The following LRP2BP variants were observed in gnomAD, a reference collection of about 807,000 sequenced individuals.
LRP2BP encodes the protein LRP2 binding protein, also known as LRP2-binding protein.
LRP2BP carries 38 observed loss-of-function variants against 45.2 expected under a neutral mutation model. That is an observed-to-expected ratio of 0.84 (90% CI 0.65 to 1.10). The LOEUF is 1.10. LRP2BP is among the 50% of genes least tolerant of loss of function. The pLI is 0.00. For missense variants in LRP2BP, 385 were observed against 418.9 expected (o/e 0.92, Z 0.71); for synonymous variants, 153 against 153.9 (o/e 0.99, Z 0.04).
Position 185,395,794 on chromosome 4 carries a change from C to G in LRP2BP, c.-1037G>C, listed in dbSNP as rs911197083. 1 of 985,078 alleles carries G rather than the reference C, an allele frequency of 1.0e-6. No individual in the cohort carries two copies. The highest frequency in any genetic ancestry group is 1.7e-5 in the African/African-American group (1 of 57,188). 61.0% of individuals were successfully genotyped at this position (985,078 alleles called of 1,614,324 possible). On this transcript the variant is annotated 5_prime_UTR_variant, in exon 1 of 9. Coordinates refer to ENST00000505916, the MANE Select transcript of LRP2BP (RefSeq NM_001377440.1). ...TGTTTTCTAACAGCATAACAATAAA[C>G]GTATTTATTTCTCCGAGCTTTCAAA...
rs1160715761 is a variant in LRP2BP at position 185,372,912 on chromosome 4, G to A, written c.747C>T (p.Leu249=). ...ATTTCATCTTATAGTAATACTCCAC[G>A]AGATTCCCTTGAGCATAGACGTTTC... ...ERGNVYAQGN[L]VEYYYKMKFF... The change falls in exon 7 of 9, where the codon CTC becomes CTT. Residue 249 remains leucine (L), a synonymous_variant. Coordinates refer to ENST00000505916, the MANE Select transcript of LRP2BP (RefSeq NM_001377440.1). The A allele has an allele frequency of 2.5e-6, 4 of 1,613,024 alleles. No homozygotes were observed. The African/African-American group carries it at 4.0e-5, about 16-fold the overall frequency.
intron 1 of LRP2BP, among the ~76,000 whole-genome samples, chr4:185,393,675 G>A (rs915203660): frequency 6.6e-6 from 1 of 151,892 alleles, no homozygotes; most frequent in African/African-American, 2.4e-5. Flanking sequence ...ACAGGCACCT[G>A]CCACCACGCC....
At chr4:185,378,790 C>A (rs2095446645) in intron 1 of LRP2BP, 1 of 985,402 alleles carries the variant, frequency 1.0e-6, no homozygotes. Context: ...GTGAAGGAGT[C>A]CAGGTTGGCC....
rs1217701755 is a variant in LRP2BP at position 185,364,357 on chromosome 4, G to A, written c.*2823C>T. 4 of 152,188 alleles carry A rather than the reference G, an allele frequency of 2.6e-5. No homozygotes were observed. Among genetic ancestry groups the A allele is most frequent in the Non-Finnish European group, 5.9e-5 (4 of 68,022 alleles). The allele number at this position is 152,188 out of a possible 1,614,324, so 9.4% of individuals were successfully genotyped here. A position where few individuals can be genotyped will look rare whatever the true frequency, so the allele number is the denominator to read the frequency against. On this transcript the variant is annotated 3_prime_UTR_variant, in exon 9 of 9. Transcript: ENST00000505916. Reference sequence around the variant, plus strand: ...TACAGACTTTGTGTTATTGATAGTGGGGCCATGCACAAGTACTTAATTTTC... The same window carrying A: ...TACAGACTTTGTGTTATTGATAGTGAGGCCATGCACAAGTACTTAATTTTC...
At chr4:185,372,155 C>T (rs935635950) in intron 7 of LRP2BP, among the ~76,000 whole-genome samples, 2 of 152,164 alleles carry the variant, frequency 1.3e-5, no homozygotes, top group Admixed American at 1.3e-4. Context: ...AGTTATAGAA[C>T]TGCATGACCG....
At position 185,374,337 on chromosome 4, in the gene LRP2BP, G is replaced by C. The variant is rs755958077; in HGVS notation, c.455C>G (p.Ser152Ter). ...GGATTACCTTTCAGCTTCCTCATTT[G>C]ATCGTTTAACACCTTTTCCTTCATA... is the stretch of plus-strand genomic sequence containing the variant. ...AYYEGKGVKRSNEEAERLWLI... is the reference protein window; with the variant it reads ...AYYEGKGVKR Residue 152 changes from serine to a stop codon, truncating the protein, a stop_gained, in exon 5 of 9, where the codon TCA becomes TGA. Coordinates refer to ENST00000505916, the MANE Select transcript of LRP2BP (RefSeq NM_001377440.1). LOFTEE classifies it high-confidence loss of function. 6.2e-7 allele frequency: 1 copy of C among 1,614,010 alleles called. No individual in the cohort carries two copies. The highest frequency in any genetic ancestry group is 1.1e-5 in the South Asian group (1 of 91,034).
At chr4:185,375,781 CA>C in intron 3 of LRP2BP, 55 bp from the exon 4 acceptor site, 2 of 1,172,282 alleles carry the variant, frequency 1.7e-6, no homozygotes, top group Non-Finnish European at 2.5e-6. Flanking sequence ...AAAGTAATCC[CA>C]AAGGCACCAA....
intron 1 of LRP2BP, chr4:185,378,882 A>G: frequency 1.0e-6 from 1 of 985,426 alleles, no homozygotes. Context: ...GTTATGGCTT[A>G]CTTTCACCAA....
chr4:185,381,251 TGTTA>T lies in LRP2BP; in HGVS notation c.-21-3048_-21-3045del, dbSNP rs948323266. On this transcript the variant is annotated intron_variant, in intron 1 of 8. Coordinates refer to ENST00000505916, the MANE Select transcript of LRP2BP (RefSeq NM_001377440.1). ...TGACATTGATTCATCCATTTTGTTG[TGTTA>T]GTTGTAATTTTTTTCCTTCATATTG... is the stretch of plus-strand genomic sequence containing the variant. Among the ~76,000 whole-genome samples the T allele has an allele frequency of 3.5e-4, 53 of 152,326 alleles. 1 individual carries two copies. The highest frequency in any genetic ancestry group is 9.6e-4 in the African/African-American group (40 of 41,582).
intron 1 of LRP2BP, chr4:185,378,577 T>C: frequency 1.0e-6 from 1 of 1,002,900 alleles, no homozygotes; most frequent in Non-Finnish European, 1.2e-6. Context: ...ACTGGTACCT[T>C]CTCTGCCCTT....
intron 1 of LRP2BP, among the ~76,000 whole-genome samples, chr4:185,389,177 C>G (rs181807282): frequency 1.3e-5 from 2 of 151,674 alleles, no homozygotes; most frequent in Admixed American, 1.3e-4. Flanking sequence ...CTACACCTGG[C>G]CTTTTTTAAT....
rs1486860120 is a variant in LRP2BP at position 185,367,502 on chromosome 4, A to G, written c.979-257T>C. Among the ~76,000 whole-genome samples the G allele has an allele frequency of 2.0e-5, 3 of 152,212 alleles. No individual in the cohort carries two copies. The East Asian group carries it at 5.8e-4, about 29-fold the overall frequency. ...AAGAATAAAGGGAACTTAAGCACCA[A>G]TGATAGCATTGTATGTTATGAATTA... On this transcript the variant is annotated intron_variant, in intron 8 of 8. Transcript: ENST00000505916.
Position 185,376,942 on chromosome 4 carries a change from T to C in LRP2BP, c.183A>G (p.Ala61=), listed in dbSNP as rs764602112. The part of the protein sequence containing the change: ...KERILKGDTL[A]YFLRGQLYFE... ...AATATAGTTGACCTCGTAGGAAATA[T>C]GCCAGAGTGTCTCCTTTCAGTATTC... Residue 61 remains alanine, a synonymous_variant, in exon 3 of 9, where the codon GCA becomes GCG. Transcript: ENST00000505916. 3.7e-6 allele frequency: 6 copies of C among 1,613,670 alleles called. No homozygotes were observed. Among genetic ancestry groups the C allele is most frequent in the South Asian group, 2.2e-5 (2 of 91,080 alleles).
upstream of LRP2BP, chr4:185,396,967 C>G (rs200611006): frequency 6.2e-6 from 10 of 1,613,136 alleles, no homozygotes; most frequent in East Asian, 4.5e-5. Context: ...TTCGGGCTCA[C>G]AGAGCCCGAG....
At chr4:185,370,445 G>A (rs146726966) in intron 8 of LRP2BP, among the ~76,000 whole-genome samples, 195 bp downstream of exon 8, 1 of 152,194 alleles carries the variant, frequency 6.6e-6, no homozygotes, top group African/African-American at 2.4e-5. Context: ...TTAATCATTG[G>A]AGCTAAATTA....
intron 1 of LRP2BP, among the ~76,000 whole-genome samples, chr4:185,379,482 T>C (rs1048574359): frequency 2.0e-5 from 3 of 152,192 alleles, no homozygotes; most frequent in Admixed American, 2.0e-4. Flanking sequence ...CAGAAAACAA[T>C]ACCTTACTTT....
rs2095383037 is a variant in LRP2BP, at chr4:185,365,338, T to C, written c.*1842A>G. 1 of 152,164 alleles carries C rather than the reference T, an allele frequency of 6.6e-6. No homozygotes were observed. Among genetic ancestry groups the C allele is most frequent in the African/African-American group, 2.4e-5 (1 of 41,448 alleles). 9.4% of individuals were successfully genotyped at this position (152,164 alleles called of 1,614,324 possible). ...TTTACTTAGGGCCGATCTTTTATTA[T>C]GTTCCTATTTTAAGATTCTTTTTAT... On this transcript the variant is annotated 3_prime_UTR_variant, in exon 9 of 9. Transcript: ENST00000505916.
chr4:185,371,362 A>AT (rs1187324542), intron 7 of LRP2BP, among the ~76,000 whole-genome samples: 1 of 151,828 alleles, frequency 6.6e-6, no homozygotes, highest in East Asian at 1.9e-4. Context: ...ACATGGTGAA[A>AT]CCCCGTCTCT....
Position 185,366,982 on chromosome 4 carries a change from A to C in LRP2BP, c.*198T>G, listed in dbSNP as rs2095390074. The C allele has an allele frequency of 1.9e-6, 1 of 525,474 alleles. No individual in the cohort carries two copies. Among genetic ancestry groups the C allele is most frequent in the Non-Finnish European group, 3.4e-6 (1 of 295,236 alleles). The allele number at this position is 525,474 out of a possible 1,614,324, so 32.6% of individuals were successfully genotyped here. A position where few individuals can be genotyped will look rare whatever the true frequency, so the allele number is the denominator to read the frequency against. Reference sequence around the variant, plus strand: ...GAGGTGGACCTCTGAGGACTCTTCCAGCAATTTGACCTTGTGTCTAGGTTT... The same window carrying C: ...GAGGTGGACCTCTGAGGACTCTTCCCGCAATTTGACCTTGTGTCTAGGTTT... On this transcript the variant is annotated 3_prime_UTR_variant, in exon 9 of 9. Transcript: ENST00000505916.
Sources: gnomAD v4.1 joint callset for allele counts (sites outside exome capture counted in the v4.1 genomes callset) on GRCh38, gnomAD v4.1.1 for gene constraint, MANE v1.5 for transcripts, NCBI Gene and HGNC (gene_info 2026-07-23, HGNC 2026-07-21) for gene names.